The following PLXNA4 variants were observed in gnomAD, a reference collection of about 807,000 sequenced individuals.
PLXNA4 encodes plexin-A4.
A neutral mutation model predicts 191.8 loss-of-function variants in PLXNA4; 44 were observed. The observed-to-expected ratio is 0.23, with a 90% CI of 0.18 to 0.29. PLXNA4 has a LOEUF of 0.29. Ranked by LOEUF, PLXNA4 falls within the 10% of genes least tolerant of loss-of-function variation. The pLI, the probability that PLXNA4 is intolerant of heterozygous loss-of-function variation, is 1.00. For missense variants in PLXNA4, 1,800 were observed against 2,488.8 expected (o/e 0.72, Z 5.89); for synonymous variants, 1,082 against 1,009.5 (o/e 1.07, Z -1.36).
chr7:132,397,953 C>T (rs890948327), intron 3 of PLXNA4, among the ~76,000 whole-genome samples: 3 of 152,160 alleles, frequency 2.0e-5, no homozygotes, highest in South Asian at 2.1e-4. Flanking sequence ...TCTTCCATCA[C>T]CCCAGGCTTT....
upstream of PLXNA4, chr7:132,576,583 A>AGGGAAGCC: frequency 1.0e-6 from 1 of 986,056 alleles, no homozygotes; most frequent in Non-Finnish European, 1.2e-6. The surrounding 1 kb of genome is among the most constrained non-coding windows in gnomAD (Gnocchi z 5.8). Flanking sequence ...ACCGAGGCAC[A>AGGGAAGCC]GGGAAGCCGG....
At chr7:132,440,165 C>G (rs1168659381) in intron 3 of PLXNA4, among the ~76,000 whole-genome samples, 1 of 152,178 alleles carries the variant, frequency 6.6e-6, no homozygotes, top group Non-Finnish European at 1.5e-5. Context: ...ATGCCAGGAT[C>G]TCTGTGTTGA....
chr7:132,301,751 A>G (rs917916640), intron 3 of PLXNA4, among the ~76,000 whole-genome samples: 1 of 152,280 alleles, frequency 6.6e-6, no homozygotes, highest in African/African-American at 2.4e-5. Flanking sequence ...AGAAACGTGC[A>G]TATGAATGAA....
chr7:132,529,165 T>G (rs918704584), intron 1 of PLXNA4, among the ~76,000 whole-genome samples: 1 of 152,158 alleles, frequency 6.6e-6, no homozygotes, highest in Admixed American at 6.5e-5. Context: ...AACCCCACCC[T>G]GGAAGGCCCT....
At chr7:132,183,215 C>T (rs991687130) in intron 16 of PLXNA4, among the ~76,000 whole-genome samples, 4 of 152,136 alleles carry the variant, frequency 2.6e-5, no homozygotes, top group Non-Finnish European at 4.4e-5. Flanking sequence ...CGCGCACACA[C>T]GCATGTGCGT....
Position 132,525,143 on chromosome 7 carries a change from C to T in PLXNA4, c.-86-16364G>A, listed in dbSNP as rs572850862. Among the ~76,000 whole-genome samples, 4 of 152,306 alleles carry T rather than the reference C, an allele frequency of 2.6e-5. No individual in the cohort carries two copies. The South Asian group carries it at 8.3e-4, about 32-fold the overall frequency. On this transcript the variant is annotated intron_variant, in intron 1 of 31. Coordinates refer to ENST00000321063, the MANE Select transcript of PLXNA4 (RefSeq NM_020911.2). Reference sequence around the variant, plus strand: ...CTATGAATTTAACTATCCTAGGTATCTCATATGAGTGGGATCATTTAGTAT... The same window carrying T: ...CTATGAATTTAACTATCCTAGGTATTTCATATGAGTGGGATCATTTAGTAT...
At chr7:132,362,324 T>C (rs1309764576) in intron 3 of PLXNA4, among the ~76,000 whole-genome samples, 6 of 152,214 alleles carry the variant, frequency 3.9e-5, no homozygotes, top group Non-Finnish European at 8.8e-5. Context: ...AATATTCAAA[T>C]AAGACAAGAC....
chr7:132,138,428 A>G (rs1166300763), intron 30 of PLXNA4, among the ~76,000 whole-genome samples: 1 of 152,118 alleles, frequency 6.6e-6, no homozygotes, highest in Non-Finnish European at 1.5e-5. Flanking sequence ...GCCCTGCCGG[A>G]CTTTACTTTC....
intron 8 of PLXNA4, 128 bp from the exon 9 acceptor site, chr7:132,223,769 G>A (rs1798221987): frequency 1.4e-6 from 1 of 698,364 alleles, no homozygotes; most frequent in African/African-American, 1.8e-5. Flanking sequence ...GTGCAGGAAG[G>A]GCAGATCTTA....
At position 132,322,184 on chromosome 7, in the gene PLXNA4, C is replaced by CTTTT. The variant is rs5887566; in HGVS notation, c.1372-23966_1372-23963dup. 1.1e-4 allele frequency among the ~76,000 whole-genome samples: 13 copies of CTTTT among 122,494 alleles called. 1 individual carries two copies. Among genetic ancestry groups the CTTTT allele is most frequent in the African/African-American group, 3.0e-4 (10 of 33,334 alleles). 80.4% of individuals were successfully genotyped at this position (122,494 alleles called of 152,430 possible). A position where few individuals can be genotyped will look rare whatever the true frequency, so the allele number is the denominator to read the frequency against. On this transcript the variant is annotated intron_variant, in intron 3 of 31. Transcript: ENST00000321063. ...CTAGAGTTCAATTTCCCTAAAAGGG[C>CTTTT]TTTTTTTTTTTTTTTTTTAACAGAG...
intron 2 of PLXNA4, among the ~76,000 whole-genome samples, chr7:132,594,934 GAT>G (rs1802671561): frequency 7.2e-6 from 1 of 138,348 alleles, no homozygotes; most frequent in African/African-American, 2.6e-5. Flanking sequence ...TAGATAGATA[GAT>G]AGATAGATAG....
chr7:132,219,626 G>C (rs1432435557), intron 9 of PLXNA4, among the ~76,000 whole-genome samples: 1 of 152,050 alleles, frequency 6.6e-6, no homozygotes, highest in Non-Finnish European at 1.5e-5. Flanking sequence ...GTGTCTGGGG[G>C]CTTCCACAAA....
intron 1 of PLXNA4, among the ~76,000 whole-genome samples, chr7:132,566,220 A>C (rs1801716585): frequency 6.6e-6 from 1 of 152,158 alleles, no homozygotes; most frequent in Non-Finnish European, 1.5e-5. Context: ...AGTATCCCCA[A>C]GTGATTCAAA....
At chr7:132,547,703 G>A (rs1800369704) in intron 1 of PLXNA4, among the ~76,000 whole-genome samples, 2 of 152,150 alleles carry the variant, frequency 1.3e-5, no homozygotes, top group South Asian at 4.2e-4. Flanking sequence ...GAGAAAACAG[G>A]GAGGCAGTCA....
chr7:132,349,183 CT>C (rs1477383292), intron 3 of PLXNA4, among the ~76,000 whole-genome samples: 2 of 152,102 alleles, frequency 1.3e-5, no homozygotes, highest in Non-Finnish European at 2.9e-5. Flanking sequence ...TTATTGAGCT[CT>C]TTTTTCCCCT....
At chr7:132,467,124 C>T (rs756085574) in intron 3 of PLXNA4, among the ~76,000 whole-genome samples, 2 of 152,162 alleles carry the variant, frequency 1.3e-5, no homozygotes, top group Non-Finnish European at 2.9e-5. Context: ...GAGTCCACAG[C>T]CCCTGAGGCT....
At chr7:132,640,795 GC>G (rs1174037827) in intron 2 of PLXNA4, among the ~76,000 whole-genome samples, 1 of 146,208 alleles carries the variant, frequency 6.8e-6, no homozygotes. Flanking sequence ...AAAGGGGGGG[GC>G]CCTGCCAATT....
Position 132,540,470 on chromosome 7 carries a change from T to C in PLXNA4, c.-86-31691A>G, listed in dbSNP as rs150412717. ...AGCTCCGTGGGCCCAGGCAAACATT[T>C]TCCAACACGGTGTTAGTAGGAATTC... On this transcript the variant is annotated intron_variant, in intron 1 of 31. Transcript: ENST00000321063. Among the ~76,000 whole-genome samples the C allele has an allele frequency of 2.6e-4, 40 of 151,886 alleles. 1 individual carries two copies. The East Asian group carries it at 7.7e-3, about 29-fold the overall frequency.
At chr7:132,322,221 C>T (rs1190970643) in intron 3 of PLXNA4, among the ~76,000 whole-genome samples, 1 of 127,694 alleles carries the variant, frequency 7.8e-6, no homozygotes, top group Non-Finnish European at 1.7e-5. Context: ...CTCACTCTGT[C>T]ACTCAGGCTG....
Sources: allele counts gnomAD v4.1 joint callset (sites outside exome capture counted in the v4.1 genomes callset), GRCh38; gene constraint gnomAD v4.1.1; non-coding constraint Gnocchi (gnomAD v3.1); transcripts MANE v1.5; gene names NCBI Gene and HGNC (gene_info 2026-07-23, HGNC 2026-07-21).